Variants in ZMYND11 observed in about 807,000 individuals in gnomAD.
The protein encoded by ZMYND11 is zinc finger MYND domain-containing protein 11.
In ZMYND11, 9 loss-of-function variants were observed where a neutral mutation model predicts 84.9. The observed-to-expected ratio is 0.11, with a 90% CI of 0.06 to 0.18. The LOEUF (loss-of-function observed/expected upper bound fraction) is 0.18, where lower values mean the gene tolerates loss of function less well. ZMYND11 is among the 10% of genes least tolerant of loss of function. The pLI, the probability that ZMYND11 is intolerant of heterozygous loss-of-function variation, is 1.00. For missense variants in ZMYND11, 409 were observed against 761.0 expected (o/e 0.54, Z 5.44); for synonymous variants, 250 against 244.1 (o/e 1.02, Z -0.23).
At chr10:207,391 C>A (rs917489654) in intron 2 of ZMYND11, among the ~76,000 whole-genome samples, 8 of 152,144 alleles carry the variant, frequency 5.3e-5, no homozygotes, top group African/African-American at 1.9e-4. Context: ...ATTTCTAGTT[C>A]TAGATCCCTG....
rs1376262309 is a variant in ZMYND11 at position 252,623 on chromosome 10, C to G, written c.*153C>G. ...AGAAATTTTGCACAGTAGTTTAAAT[C>G]TTTTGTTAATGCTCCTCCGAAGTTT... On this transcript the variant is annotated 3_prime_UTR_variant, in exon 15 of 15. Coordinates refer to ENST00000381604, the MANE Select transcript of ZMYND11 (RefSeq NM_001370100.5). The surrounding 1 kb of genome is among the most constrained non-coding windows in gnomAD (Gnocchi z 4.6). The G allele has an allele frequency of 9.4e-7, 1 of 1,067,474 alleles. No individual in the cohort carries two copies. The highest frequency in any genetic ancestry group is 1.3e-6 in the Non-Finnish European group (1 of 789,354). 66.1% of individuals were successfully genotyped at this position (1,067,474 alleles called of 1,614,324 possible).
At chr10:186,019 T>C (rs945035002) in intron 2 of ZMYND11, among the ~76,000 whole-genome samples, 1 of 151,442 alleles carries the variant, frequency 6.6e-6, no homozygotes, top group Non-Finnish European at 1.5e-5. Flanking sequence ...TTTTTTTTTT[T>C]TTTCTTTTGA....
intron 1 of ZMYND11, among the ~76,000 whole-genome samples, chr10:136,674 C>T (rs1381362699): frequency 6.6e-6 from 1 of 152,036 alleles, no homozygotes; most frequent in Non-Finnish European, 1.5e-5. Flanking sequence ...ATTTACCTTA[C>T]CTGTTGTCAC....
At chr10:140,895 A>G (rs1326983822) in intron 1 of ZMYND11, among the ~76,000 whole-genome samples, 1 of 152,216 alleles carries the variant, frequency 6.6e-6, no homozygotes, top group Non-Finnish European at 1.5e-5. Flanking sequence ...ATAAATGTCT[A>G]AAAGTTTGCC....
At chr10:249,854 A>AT in intron 14 of ZMYND11, 2 of 854,412 alleles carry the variant, frequency 2.3e-6, no homozygotes, top group Non-Finnish European at 2.8e-6. Flanking sequence ...TGAAAGAAAT[A>AT]TTTTTAAATC....
chr10:253,493 C>T lies in ZMYND11; in HGVS notation c.*1023C>T, dbSNP rs1953874720. ...ACTGTACACAGAATGAAGAATAATG[C>T]ATGTTAATTTTCTTGTATTAAAGAT... is the stretch of plus-strand genomic sequence containing the variant. On this transcript the variant is annotated 3_prime_UTR_variant, in exon 15 of 15. Coordinates refer to ENST00000381604, the MANE Select transcript of ZMYND11 (RefSeq NM_001370100.5). 6.6e-6 allele frequency: 1 copy of T among 152,582 alleles called. No homozygotes were observed. Among genetic ancestry groups the T allele is most frequent in the Non-Finnish European group, 1.5e-5 (1 of 68,016 alleles). The allele number at this position is 152,582 out of a possible 1,614,324, so 9.5% of individuals were successfully genotyped here.
intron 8 of ZMYND11, 129 bp from the exon 9 acceptor site, chr10:240,764 T>C (rs1299895041): frequency 1.4e-6 from 1 of 736,898 alleles, no homozygotes. Flanking sequence ...AAATTTAGGC[T>C]TAAAAGATTA....
intron 1 of ZMYND11, among the ~76,000 whole-genome samples, chr10:151,738 A>G (rs1840421159): frequency 6.6e-6 from 1 of 152,186 alleles, no homozygotes. Flanking sequence ...CTCCTGGAGA[A>G]GAGCAACTCC....
intron 2 of ZMYND11, among the ~76,000 whole-genome samples, chr10:181,643 AG>A (rs1847908829): frequency 1.3e-5 from 2 of 152,136 alleles, no homozygotes; most frequent in African/African-American, 2.4e-5. Context: ...AGAAACCCAA[AG>A]GCTACTTAAG....
Position 253,581 on chromosome 10 carries a change from G to GA in ZMYND11, c.*1113dup, listed in dbSNP as rs1953892232. 1 of 152,604 alleles carries GA rather than the reference G, an allele frequency of 6.6e-6. No homozygotes were observed. Among genetic ancestry groups the GA allele is most frequent in the Non-Finnish European group, 1.5e-5 (1 of 68,022 alleles). 9.5% of individuals were successfully genotyped at this position (152,604 alleles called of 1,614,324 possible). ...CTGGATTAAGAAGCATTACCAATAG[G>GA]AATGGATCGATAGTTGAATAATGAT... On this transcript the variant is annotated 3_prime_UTR_variant, in exon 15 of 15. Transcript: ENST00000381604.
chr10:241,980 C>A lies in ZMYND11; in HGVS notation c.832-41C>A, dbSNP rs374112529. 190 of 1,602,178 alleles carry A rather than the reference C, an allele frequency of 1.2e-4. No homozygotes were observed. The African/African-American group carries it at 2.3e-3, about 20-fold the overall frequency. ...ATTAATGGTACACTTGCATTTAATA[C>A]TTTAAAAGTAATATAACAAGGTAAA... On this transcript the variant is annotated intron_variant, in intron 9 of 14. Coordinates refer to ENST00000381604, the MANE Select transcript of ZMYND11 (RefSeq NM_001370100.5).
At chr10:196,444 G>A (rs1941765634) in intron 2 of ZMYND11, among the ~76,000 whole-genome samples, 1 of 151,998 alleles carries the variant, frequency 6.6e-6, no homozygotes, top group South Asian at 2.1e-4. Flanking sequence ...TTATAATCGA[G>A]TTAAAAATGA....
chr10:168,670 C>G (rs1014969995), intron 1 of ZMYND11, among the ~76,000 whole-genome samples: 1 of 151,986 alleles, frequency 6.6e-6, no homozygotes, highest in South Asian at 2.1e-4. Context: ...GCTGAACAAG[C>G]AAAAATAATA....
chr10:227,914 T>C (rs967587424), intron 4 of ZMYND11, among the ~76,000 whole-genome samples: 1 of 152,222 alleles, frequency 6.6e-6, no homozygotes, highest in African/African-American at 2.4e-5. Flanking sequence ...AGCCATTATT[T>C]TCTTAAATAG....
At chr10:165,861 A>G in intron 1 of ZMYND11, among the ~76,000 whole-genome samples, 1 of 152,160 alleles carries the variant, frequency 6.6e-6, no homozygotes. Context: ...AATCAAAACA[A>G]TGTGGTATTG....
chr10:152,719 A>G (rs1007363619), intron 1 of ZMYND11, among the ~76,000 whole-genome samples: 8 of 152,204 alleles, frequency 5.3e-5, no homozygotes, highest in Non-Finnish European at 1.2e-4. Context: ...GACCTACTAG[A>G]CATCTACAGA....
intron 4 of ZMYND11, among the ~76,000 whole-genome samples, chr10:226,572 A>G (rs973481772): frequency 1.3e-5 from 2 of 152,174 alleles, no homozygotes; most frequent in African/African-American, 4.8e-5. Context: ...CAGTTTTCAT[A>G]TTTAGACTAA....
chr10:212,636 A>AAT (rs1484361602), intron 3 of ZMYND11, among the ~76,000 whole-genome samples: 1 of 151,984 alleles, frequency 6.6e-6, no homozygotes, highest in Non-Finnish European at 1.5e-5. Flanking sequence ...TGGGCATATT[A>AAT]ATATCTATTT....
chr10:158,054 G>T (rs1842102143), intron 1 of ZMYND11, among the ~76,000 whole-genome samples: 1 of 151,964 alleles, frequency 6.6e-6, no homozygotes, highest in Non-Finnish European at 1.5e-5. Flanking sequence ...TCCTTTTTCC[G>T]GCCAAATAAC....
Sources: allele counts gnomAD v4.1 joint callset (sites outside exome capture counted in the v4.1 genomes callset), GRCh38; gene constraint gnomAD v4.1.1; non-coding constraint Gnocchi (gnomAD v3.1); transcripts MANE v1.5; gene names NCBI Gene and HGNC (gene_info 2026-07-23, HGNC 2026-07-21).